KPNA1: variants seen among roughly 807,000 people sequenced by gnomAD.
The protein encoded by KPNA1 is importin subunit alpha-5.
In KPNA1, 10 loss-of-function variants were observed where a neutral mutation model predicts 70.5. The observed-to-expected ratio is 0.14, with a 90% CI of 0.09 to 0.24. The LOEUF is 0.24. Ranked by LOEUF, KPNA1 falls within the 10% of genes least tolerant of loss-of-function variation. KPNA1 has a pLI of 1.00. For missense variants in KPNA1, 397 were observed against 637.9 expected, an observed-to-expected ratio of 0.62 and a Z score of 4.07; for synonymous variants, 192 against 221.9, an observed-to-expected ratio of 0.87 and a Z score of 1.20.
chr3:122,453,841 T>G, intron 6 of KPNA1, 29 bp downstream of exon 6: 1 of 1,576,970 alleles, frequency 6.3e-7, no homozygotes, highest in African/African-American at 1.4e-5. Flanking sequence ...AAACTTTCTT[T>G]CACCTGCTTC....
At chr3:122,460,707 C>T in intron 5 of KPNA1, 1 of 939,942 alleles carries the variant, frequency 1.1e-6, no homozygotes, top group Non-Finnish European at 1.3e-6. Flanking sequence ...CTTGGAATCC[C>T]TTATATAGTA....
At chr3:122,495,526 T>C (rs1172842162) in intron 2 of KPNA1, among the ~76,000 whole-genome samples, 6 of 152,260 alleles carry the variant, frequency 3.9e-5, no homozygotes, top group South Asian at 4.1e-4. Context: ...GAGGTTGTAA[T>C]GTACTGTTGG....
At position 122,426,190 on chromosome 3, in the gene KPNA1, C is replaced by T. The variant is rs2075820826; in HGVS notation, c.*795G>A. 6.6e-6 allele frequency: 1 copy of T among 152,344 alleles called. No homozygotes were observed. Among genetic ancestry groups the T allele is most frequent in the Admixed American group, 6.6e-5 (1 of 15,256 alleles). 9.4% of individuals were successfully genotyped at this position (152,344 alleles called of 1,614,324 possible). On this transcript the variant is annotated 3_prime_UTR_variant, in exon 14 of 14. Coordinates refer to ENST00000344337, the MANE Select transcript of KPNA1 (RefSeq NM_002264.4). ...CCTCATACCAGCAACAGAAATGAAC[C>T]ACTTCCAAATTCTAAGACACAAAAG...
rs183627892 is a variant in KPNA1 at position 122,431,096 on chromosome 3, C to T, written c.1250+2565G>A. Among the ~76,000 whole-genome samples, 9 of 152,282 alleles carry T rather than the reference C, an allele frequency of 5.9e-5. No individual in the cohort carries two copies. The East Asian group carries it at 1.5e-3, about 26-fold the overall frequency. On this transcript the variant is annotated intron_variant, in intron 12 of 13. Transcript: ENST00000344337. ...AATAATCCTTATCCTTCATTAAGAA[C>T]ATGTGTTATATATGTATTAACATTT...
At chr3:122,511,251 T>C (rs1208769656) in intron 1 of KPNA1, among the ~76,000 whole-genome samples, 1 of 152,180 alleles carries the variant, frequency 6.6e-6, no homozygotes, top group Non-Finnish European at 1.5e-5. Flanking sequence ...CCAACCTGCC[T>C]TGTTGCTCAC....
chr3:122,463,952 C>G lies in KPNA1; in HGVS notation c.327G>C (p.Leu109=), dbSNP rs1324782394. ...ATATTCATAGCTCACCTTTTGAAAGCAGCTTCCTGAATTTCTGTGTTGCTG... is the reference window on the plus strand; with the variant it reads ...ATATTCATAGCTCACCTTTTGAAAGGAGCTTCCTGAATTTCTGTGTTGCTG... The part of the protein sequence containing the change: ...QLSATQKFRK[L]LSKEPNPPID... The change falls in exon 4 of 14, where the codon CTG becomes CTC. Residue 109 remains leucine (L), a synonymous_variant. Transcript: ENST00000344337. 1.9e-6 allele frequency: 3 copies of G among 1,587,008 alleles called. No homozygotes were observed. Among genetic ancestry groups the G allele is most frequent in the Non-Finnish European group, 2.6e-6 (3 of 1,159,648 alleles).
intron 10 of KPNA1, among the ~76,000 whole-genome samples, chr3:122,437,895 ATCTAT>A (rs1432985207): frequency 2.0e-5 from 3 of 152,268 alleles, no homozygotes; most frequent in Non-Finnish European, 4.4e-5. Context: ...GAGAACAGAG[ATCTAT>A]TCTAGAAACA....
chr3:122,493,702 T>C (rs1022465858), intron 2 of KPNA1, among the ~76,000 whole-genome samples: 3 of 152,100 alleles, frequency 2.0e-5, no homozygotes, highest in Non-Finnish European at 2.9e-5. Flanking sequence ...CCCAAGAACA[T>C]AGTCTTATAC....
chr3:122,454,437 T>A (rs977775482), intron 5 of KPNA1, among the ~76,000 whole-genome samples: 2 of 152,232 alleles, frequency 1.3e-5, no homozygotes, highest in African/African-American at 2.4e-5. Context: ...ACTTGTTGCC[T>A]GCATAGAAAG....
At chr3:122,433,871 G>C (rs2075948640) in intron 11 of KPNA1, 83 bp from the exon 12 acceptor site, 3 of 1,090,000 alleles carry the variant, frequency 2.8e-6, no homozygotes, top group Non-Finnish European at 3.9e-6. Flanking sequence ...TTCTAAGCTA[G>C]TTTGACTATT....
At chr3:122,457,678 G>C in intron 5 of KPNA1, 2 of 1,261,988 alleles carry the variant, frequency 1.6e-6, no homozygotes, top group Non-Finnish European at 2.0e-6. Context: ...CTGGCGCTCA[G>C]TTCCTTAAAT....
intron 1 of KPNA1, 124 bp from the exon 2 acceptor site, chr3:122,496,694 T>C (rs575159119): frequency 3.8e-6 from 3 of 795,340 alleles, no homozygotes; most frequent in South Asian, 1.8e-5. Context: ...AAATGGCTAC[T>C]TCCCCTCCCC....
chr3:122,437,356 T>G, intron 10 of KPNA1, 61 bp from the exon 11 acceptor site: 1 of 1,244,790 alleles, frequency 8.0e-7, no homozygotes, highest in Non-Finnish European at 1.1e-6. Flanking sequence ...ATGTTTAACT[T>G]AAGGAACACA....
chr3:122,448,514 G>A (rs1425746654), intron 9 of KPNA1, among the ~76,000 whole-genome samples: 1 of 152,128 alleles, frequency 6.6e-6, no homozygotes, highest in African/African-American at 2.4e-5. Context: ...AACACTGCAT[G>A]TTCTCACTCA....
intron 1 of KPNA1, among the ~76,000 whole-genome samples, chr3:122,502,845 C>T (rs997454767): frequency 6.6e-6 from 1 of 151,996 alleles, no homozygotes; most frequent in Admixed American, 6.6e-5. Context: ...GAGTGGGACG[C>T]GGTAGTTCAC....
chr3:122,442,333 CAATCTTTCCTAGG>C, intron 9 of KPNA1, among the ~76,000 whole-genome samples: 1 of 152,112 alleles, frequency 6.6e-6, no homozygotes. Flanking sequence ...AAAAAACTAC[CAATCTTTCCTAGG>C]AATCTTTCCC....
chr3:122,480,944 G>A (rs997221701), intron 2 of KPNA1, among the ~76,000 whole-genome samples: 5 of 152,124 alleles, frequency 3.3e-5, no homozygotes, highest in South Asian at 4.1e-4. Flanking sequence ...AACCATAATG[G>A]CACCACTGCA....
chr3:122,436,780 C>T (rs1005844181), intron 11 of KPNA1, among the ~76,000 whole-genome samples: 6 of 152,062 alleles, frequency 3.9e-5, no homozygotes, highest in South Asian at 2.1e-4. Context: ...AAACGATATA[C>T]GTTTTATTTT....
rs1363940265 is a variant in KPNA1, at chr3:122,422,830, T to A, written c.*4155A>T. Reference sequence around the variant, plus strand: ...CAATAGATGATCAAATAAAGACATGTTACCTTAATTTGACCTACAGGGAAA... The same window carrying A: ...CAATAGATGATCAAATAAAGACATGATACCTTAATTTGACCTACAGGGAAA... On this transcript the variant is annotated 3_prime_UTR_variant, in exon 14 of 14. Transcript: ENST00000344337. The A allele has an allele frequency of 2.6e-5, 4 of 152,212 alleles. No homozygotes were observed. Among genetic ancestry groups the A allele is most frequent in the Non-Finnish European group, 5.9e-5 (4 of 68,034 alleles). The allele number at this position is 152,212 out of a possible 1,614,324, so 9.4% of individuals were successfully genotyped here. A position where few individuals can be genotyped will look rare whatever the true frequency, so the allele number is the denominator to read the frequency against.
Sources: allele counts gnomAD v4.1 joint callset (sites outside exome capture counted in the v4.1 genomes callset), GRCh38; gene constraint gnomAD v4.1.1; transcripts MANE v1.5; gene names NCBI Gene and HGNC (gene_info 2026-07-23, HGNC 2026-07-21).